The following CRIM1 variants were observed in gnomAD, a reference collection of about 807,000 sequenced individuals.
CRIM1 encodes the protein cysteine rich transmembrane BMP regulator 1.
CRIM1 carries 32 observed loss-of-function variants against 116.4 expected under a neutral mutation model. The ratio of observed to expected loss-of-function variants is 0.27; its 90% confidence interval spans 0.21 to 0.37. The LOEUF (loss-of-function observed/expected upper bound fraction) is 0.37, where lower values mean the gene tolerates loss of function less well. Among genes scored for constraint, CRIM1 ranks in the 10% least tolerant of loss-of-function variants. The pLI is 1.00. For synonymous variants in CRIM1, 590 were observed against 509.2 expected (o/e 1.16, Z -2.13); for missense variants, 1,331 against 1,354.8 (o/e 0.98, Z 0.28).
chr2:36,481,390 C>T (rs1248570301), intron 7 of CRIM1, among the ~76,000 whole-genome samples: 1 of 152,142 alleles, frequency 6.6e-6, no homozygotes, highest in Non-Finnish European at 1.5e-5. Flanking sequence ...GCAACATCTG[C>T]ATAGAGTTGT....
At chr2:36,435,385 G>A (rs779315881) in intron 2 of CRIM1, among the ~76,000 whole-genome samples, 9 of 151,938 alleles carry the variant, frequency 5.9e-5, no homozygotes, top group African/African-American at 2.2e-4. Context: ...AATGAAGAAC[G>A]AGAAGAGATT....
chr2:36,391,479 C>T lies in CRIM1; in HGVS notation c.332-5135C>T, dbSNP rs1334986302. Among the ~76,000 whole-genome samples, 4 of 152,074 alleles carry T rather than the reference C, an allele frequency of 2.6e-5. No individual in the cohort carries two copies. The East Asian group carries it at 5.8e-4, about 22-fold the overall frequency. Reference sequence around the variant, plus strand: ...TGTGCTGGGAAAAATCACATGAGAACCAGCAGAACCGCTGTATTATACTGA... The same window carrying T: ...TGTGCTGGGAAAAATCACATGAGAATCAGCAGAACCGCTGTATTATACTGA... On this transcript the variant is annotated intron_variant, in intron 1 of 16. Transcript: ENST00000280527.
At position 36,512,391 on chromosome 2, in the gene CRIM1, A is replaced by C; in HGVS notation, c.1777A>C (p.Arg593=). The C allele has an allele frequency of 1.2e-6, 2 of 1,612,994 alleles. No homozygotes were observed. Among genetic ancestry groups the C allele is most frequent in the Non-Finnish European group, 1.7e-6 (2 of 1,179,080 alleles). The change falls in exon 10 of 17, where the codon AGA becomes CGA. Residue 593 remains arginine (R), a synonymous_variant. Transcript: ENST00000280527. ...DSHGCLICKC[R]EASASAGPPI... is the part of the protein sequence containing the mutation. ...TCACGGCTGTCTTATCTGCAAGTGC[A>C]GAGGTAAGTGTGTACACATGGCCCT...
intron 4 of CRIM1, among the ~76,000 whole-genome samples, chr2:36,459,916 C>G (rs536064335): frequency 1.4e-4 from 21 of 152,266 alleles, no homozygotes; most frequent in African/African-American, 5.1e-4. Context: ...TCTGGCCTGC[C>G]TGGGATTGTC....
chr2:36,462,822 T>C (rs760658694), intron 4 of CRIM1, among the ~76,000 whole-genome samples: 1 of 152,248 alleles, frequency 6.6e-6, no homozygotes, highest in African/African-American at 2.4e-5. Flanking sequence ...GTTACTGTTA[T>C]ATCACAGCAG....
In CRIM1 at chr2:36,499,111, T is replaced by C; in HGVS notation, c.1373-108T>C. On this transcript the variant is annotated intron_variant, in intron 7 of 16. Coordinates refer to ENST00000280527, the MANE Select transcript of CRIM1 (RefSeq NM_016441.3). ...TAAAAGTTTACGATTTGATGACAAT[T>C]ACTGATTTGATTTTTGTAACATTAT... 3.8e-6 allele frequency: 3 copies of C among 795,600 alleles called. No homozygotes were observed. The South Asian group carries it at 5.1e-5, about 14-fold the overall frequency. 49.3% of individuals were successfully genotyped at this position (795,600 alleles called of 1,614,324 possible). A position where few individuals can be genotyped will look rare whatever the true frequency, so the allele number is the denominator to read the frequency against.
intron 2 of CRIM1, among the ~76,000 whole-genome samples, chr2:36,400,046 A>T (rs1356178343): frequency 6.6e-6 from 1 of 152,192 alleles, no homozygotes. Context: ...GTAGAGAGGT[A>T]GCCGGTTGGG....
At chr2:36,375,084 G>C (rs1670224609) in intron 1 of CRIM1, among the ~76,000 whole-genome samples, 1 of 151,204 alleles carries the variant, frequency 6.6e-6, no homozygotes, top group Non-Finnish European at 1.5e-5. Flanking sequence ...ATGGGTACTA[G>C]ATATTAACTT....
chr2:36,490,590 C>T (rs2125067907), intron 7 of CRIM1, among the ~76,000 whole-genome samples: 1 of 152,264 alleles, frequency 6.6e-6, no homozygotes, highest in East Asian at 1.9e-4. Flanking sequence ...TACTGTTATT[C>T]TGAACTCTGT....
rs1162563534 is a variant in CRIM1 at position 36,517,381 on chromosome 2, C to T, written c.2045C>T (p.Pro682Leu). ...AGTACTCCCTCCATTTGCCACGCCC[C>T]TGGAGGAGAATACTTTGTGGAAGGA... ...ELSTPSICHA[P>L]GGEYFVEGET... The change falls in exon 12 of 17, where the codon CCT (proline) becomes CTT (leucine). Residue 682 changes from proline to leucine, a missense_variant. Around this residue, in one of 3 missense-constraint regions of CRIM1, gnomAD observed 358 missense variants for 436.1 expected, o/e 0.82. Transcript: ENST00000280527. 1.2e-6 allele frequency: 2 copies of T among 1,614,098 alleles called. No individual in the cohort carries two copies. Among genetic ancestry groups the T allele is most frequent in the Non-Finnish European group, 8.5e-7 (1 of 1,180,036 alleles).
chr2:36,459,265 G>C (rs1016815445), intron 4 of CRIM1, among the ~76,000 whole-genome samples: 1 of 152,068 alleles, frequency 6.6e-6, no homozygotes, highest in African/African-American at 2.4e-5. Context: ...AACAATGTTT[G>C]AGTGGGTACC....
chr2:36,365,958 C>T (rs917457653), intron 1 of CRIM1, among the ~76,000 whole-genome samples: 1 of 152,162 alleles, frequency 6.6e-6, no homozygotes, highest in African/African-American at 2.4e-5. Context: ...GGTCTCTCGA[C>T]CTCGTGATCT....
intron 4 of CRIM1, among the ~76,000 whole-genome samples, chr2:36,454,243 G>A (rs751715382): frequency 6.6e-6 from 1 of 152,050 alleles, no homozygotes; most frequent in Non-Finnish European, 1.5e-5. Context: ...TTAACACACT[G>A]TATTCTTTCT....
At chr2:36,440,001 T>C (rs751048416) in intron 2 of CRIM1, among the ~76,000 whole-genome samples, 1 of 152,132 alleles carries the variant, frequency 6.6e-6, no homozygotes, top group African/African-American at 2.4e-5. Flanking sequence ...TCTCCTATAT[T>C]ATGTCTTAGG....
At chr2:36,423,799 C>A (rs1001784792) in intron 2 of CRIM1, among the ~76,000 whole-genome samples, 5 of 152,166 alleles carry the variant, frequency 3.3e-5, no homozygotes, top group Non-Finnish European at 5.9e-5. Flanking sequence ...TAGATGCTTA[C>A]TTATGCACCA....
intron 13 of CRIM1, among the ~76,000 whole-genome samples, chr2:36,523,662 C>T (rs929677842): frequency 1.1e-4 from 17 of 152,324 alleles, no homozygotes; most frequent in South Asian, 6.2e-4. Context: ...AGTTTACAGT[C>T]TGTACTAATT....
At chr2:36,534,330 AAAGG>A (rs779906340) in intron 13 of CRIM1, among the ~76,000 whole-genome samples, 10 of 114,232 alleles carry the variant, frequency 8.8e-5, no homozygotes, top group Admixed American at 1.8e-4. Flanking sequence ...AAGAAGGAGA[AAAGG>A]AGGGAGGGAG....
chr2:36,374,471 C>G lies in CRIM1; in HGVS notation c.331+17848C>G, dbSNP rs567548509. On this transcript the variant is annotated intron_variant, in intron 1 of 16. Transcript: ENST00000280527. The stretch of plus-strand genomic sequence containing the variant: ...TTCATGTTTTTGTGTATAACCCTGC[C>G]TAGTCTTACTCTGTAGACATCCTTC... Among the ~76,000 whole-genome samples the G allele has an allele frequency of 4.6e-5, 7 of 152,288 alleles. No homozygotes were observed. The South Asian group carries it at 1.5e-3, about 32-fold the overall frequency.
intron 5 of CRIM1, among the ~76,000 whole-genome samples, chr2:36,473,882 A>G (rs1176634720): frequency 1.3e-5 from 2 of 152,118 alleles, no homozygotes; most frequent in African/African-American, 4.8e-5. Context: ...TATACCTAGG[A>G]GTAGAGTTGC....
Sources: allele counts gnomAD v4.1 joint callset (sites outside exome capture counted in the v4.1 genomes callset), GRCh38; gene constraint gnomAD v4.1.1; regional missense constraint gnomAD v4.1.1; transcripts MANE v1.5; gene names NCBI Gene and HGNC (gene_info 2026-07-23, HGNC 2026-07-21).